GDAP1: variants seen among roughly 807,000 people sequenced by gnomAD.
GDAP1 encodes ganglioside-induced differentiation-associated protein 1.
Under a neutral mutation model 40.1 loss-of-function variants are expected in GDAP1, and 34 were observed. That is an observed-to-expected ratio of 0.85 (90% CI 0.64 to 1.13). The LOEUF is 1.13. GDAP1 is among the 50% of genes most tolerant of loss of function. The pLI, the probability that GDAP1 is intolerant of heterozygous loss-of-function variation, is 0.00. For missense variants in GDAP1, 374 were observed against 433.7 expected, an observed-to-expected ratio of 0.86 and a Z score of 1.22; for synonymous variants, 170 against 157.4, an observed-to-expected ratio of 1.08 and a Z score of -0.60.
At chr8:74,486,739 G>C (rs913053446) in intron 2 of GDAP1, among the ~76,000 whole-genome samples, 19 of 152,132 alleles carry the variant, frequency 1.2e-4, no homozygotes, top group Non-Finnish European at 2.5e-4. Flanking sequence ...AAGGCCCCAT[G>C]ATATTCCCTG....
intron 2 of GDAP1, among the ~76,000 whole-genome samples, chr8:74,403,009 A>G (rs1242375167): frequency 1.3e-5 from 2 of 150,126 alleles, no homozygotes; most frequent in African/African-American, 5.1e-5. Context: ...AGGAATTTAT[A>G]GCACCTGGAT....
At position 74,364,925 on chromosome 8, in the gene GDAP1, TA is replaced by T. The variant is rs1809550071; in HGVS notation, c.*559del. On this transcript the variant is annotated 3_prime_UTR_variant, in exon 6 of 6. Transcript: ENST00000220822. The stretch of plus-strand genomic sequence containing the variant: ...TGATGCTCATTGGAACACATCTGCC[TA>T]GCATTTCTGTAAAAGTCTTAAGTGA... 4.4e-6 allele frequency: 2 copies of T among 454,168 alleles called. No individual in the cohort carries two copies. Among genetic ancestry groups the T allele is most frequent in the Non-Finnish European group, 8.8e-6 (2 of 226,786 alleles). The allele number at this position is 454,168 out of a possible 1,614,324, so 28.1% of individuals were successfully genotyped here.
chr8:74,445,809 T>A (rs1437837005), intron 2 of GDAP1, among the ~76,000 whole-genome samples: 2 of 152,154 alleles, frequency 1.3e-5, no homozygotes, highest in Non-Finnish European at 2.9e-5. Flanking sequence ...TAAATTAAAA[T>A]ATAGTCACTG....
At chr8:74,415,746 C>T (rs1805770171) in intron 2 of GDAP1, among the ~76,000 whole-genome samples, 1 of 149,958 alleles carries the variant, frequency 6.7e-6, no homozygotes, top group African/African-American at 2.5e-5. Flanking sequence ...AGAGGGAAGC[C>T]ATTCCTGACC....
chr8:74,412,409 A>C (rs1805726276), intron 2 of GDAP1, among the ~76,000 whole-genome samples: 1 of 150,172 alleles, frequency 6.7e-6, no homozygotes, highest in South Asian at 2.1e-4. Flanking sequence ...AATGCCTTGG[A>C]ACTTCCAGAA....
intron 2 of GDAP1, among the ~76,000 whole-genome samples, chr8:74,374,458 G>A (rs1052848321): frequency 6.6e-6 from 1 of 151,826 alleles, no homozygotes; most frequent in African/African-American, 2.4e-5. Flanking sequence ...AGAAAGAGGA[G>A]CAAATTAAAC....
chr8:74,368,088 C>G (rs994949723), downstream of GDAP1, among the ~76,000 whole-genome samples: 1 of 152,160 alleles, frequency 6.6e-6, no homozygotes, highest in African/African-American at 2.4e-5. Flanking sequence ...TACTTTATTA[C>G]TTATGCATTG....
At chr8:74,464,626 G>A (rs144389553) in intron 2 of GDAP1, among the ~76,000 whole-genome samples, 1 of 152,344 alleles carries the variant, frequency 6.6e-6, no homozygotes, top group African/African-American at 2.4e-5. Flanking sequence ...TACATTTTGT[G>A]CACACTTCCA....
intron 2 of GDAP1, among the ~76,000 whole-genome samples, chr8:74,377,267 T>C (rs182593172): frequency 4.6e-5 from 7 of 152,104 alleles, no homozygotes; most frequent in Admixed American, 4.6e-4. Context: ...AACCACAGAA[T>C]CGATGAGAAT....
intron 2 of GDAP1, among the ~76,000 whole-genome samples, chr8:74,437,695 A>G (rs1806109960): frequency 1.3e-5 from 2 of 148,168 alleles, no homozygotes; most frequent in Admixed American, 6.6e-5. Context: ...AGTCAACATT[A>G]TATTTTAGAG....
intron 2 of GDAP1, among the ~76,000 whole-genome samples, chr8:74,372,037 C>T (rs1033624460): frequency 4.0e-5 from 6 of 150,210 alleles, no homozygotes; most frequent in Admixed American, 6.7e-5. Context: ...TTTGTCCTTG[C>T]GATAGTTTGC....
intron 2 of GDAP1, among the ~76,000 whole-genome samples, chr8:74,456,884 A>G (rs751984678): frequency 2.2e-4 from 33 of 152,032 alleles, no homozygotes; most frequent in Middle Eastern, 3.2e-3. Context: ...GGATAAGAAA[A>G]TGATCTGTAA....
chr8:74,445,247 A>G (rs554366411), intron 2 of GDAP1, among the ~76,000 whole-genome samples: 2 of 152,312 alleles, frequency 1.3e-5, no homozygotes, highest in African/African-American at 4.8e-5. Flanking sequence ...ATAATTTAGA[A>G]TATATGGACT....
chr8:74,472,514 C>T (rs951335685), intron 2 of GDAP1, among the ~76,000 whole-genome samples: 1 of 152,178 alleles, frequency 6.6e-6, no homozygotes, highest in Admixed American at 6.5e-5. Flanking sequence ...AATTGCCACA[C>T]TGCTTTCCAC....
rs1359505178 is a variant in GDAP1 at position 74,477,933 on chromosome 8, G to A, written c.166-10745G>A. On this transcript the variant is annotated intron_variant, in intron 2 of 2. Coordinates refer to the GDAP1 transcript ENST00000523640. ...CCCCTTCACCAGCTACTGGGTGTCC[G>A]TTCTTGCTGATGGTGGTGTTAGGAT... is the stretch of plus-strand genomic sequence containing the variant. 2.6e-5 allele frequency among the ~76,000 whole-genome samples: 4 copies of A among 152,188 alleles called. No individual in the cohort carries two copies. The South Asian group carries it at 8.3e-4, about 32-fold the overall frequency.
chr8:74,371,707 T>A (rs1028526202), downstream of GDAP1, among the ~76,000 whole-genome samples: 9 of 152,110 alleles, frequency 5.9e-5, no homozygotes, highest in South Asian at 2.1e-4. Context: ...AAAATACACT[T>A]CAGAATTTGT....
downstream of GDAP1, among the ~76,000 whole-genome samples, chr8:74,367,382 T>C (rs555109732): frequency 2.8e-4 from 42 of 152,314 alleles, no homozygotes; most frequent in Non-Finnish European, 5.7e-4. Context: ...ATTGAGTACT[T>C]TCATTTTGCA....
At chr8:74,396,976 T>G (rs1810210847) in intron 2 of GDAP1, among the ~76,000 whole-genome samples, 1 of 152,306 alleles carries the variant, frequency 6.6e-6, no homozygotes, top group East Asian at 1.9e-4. Context: ...CCACCAACAG[T>G]GTAAAAGTGT....
At chr8:74,398,424 T>C (rs1002012831) in intron 2 of GDAP1, among the ~76,000 whole-genome samples, 1 of 152,194 alleles carries the variant, frequency 6.6e-6, no homozygotes, top group African/African-American at 2.4e-5. Flanking sequence ...CTGAAGTTGC[T>C]TCTCAGCTTA....
Sources: allele counts gnomAD v4.1 joint callset (sites outside exome capture counted in the v4.1 genomes callset), GRCh38; gene constraint gnomAD v4.1.1; transcripts MANE v1.5; gene names NCBI Gene and HGNC (gene_info 2026-07-23, HGNC 2026-07-21).